Variants in SPEN observed in about 807,000 individuals in gnomAD.
SPEN encodes the protein spen family transcriptional repressor.
In SPEN, 18 loss-of-function variants were observed where a neutral mutation model predicts 269.9. The observed-to-expected ratio is 0.07, with a 90% CI of 0.05 to 0.10. The LOEUF is 0.10. Among genes scored for constraint, SPEN ranks in the 10% least tolerant of loss-of-function variants. The pLI is 1.00. For synonymous variants in SPEN, 1,726 were observed against 1,765.7 expected, an observed-to-expected ratio of 0.98 and a Z score of 0.56; for missense variants, 3,822 against 4,631.2, an observed-to-expected ratio of 0.83 and a Z score of 5.07.
At chr1:15,901,188 T>TAAA (rs986794679) in intron 3 of SPEN, among the ~76,000 whole-genome samples, 1 of 138,862 alleles carries the variant, frequency 7.2e-6, no homozygotes, top group Non-Finnish European at 1.6e-5. Context: ...CCTCGTCCCT[T>TAAA]AAAAAAAAAA....
At chr1:15,869,615 T>TTTAC (rs2070553201) in intron 1 of SPEN, among the ~76,000 whole-genome samples, 1 of 151,702 alleles carries the variant, frequency 6.6e-6, no homozygotes, top group Non-Finnish European at 1.5e-5. Flanking sequence ...TATTTATTTA[T>TTTAC]GAGACAGGGT....
intron 3 of SPEN, among the ~76,000 whole-genome samples, chr1:15,890,091 A>AT (rs1381428556): frequency 6.6e-6 from 1 of 152,192 alleles, no homozygotes; most frequent in African/African-American, 2.4e-5. Flanking sequence ...AGTAAGTGAA[A>AT]TAGCTTTAAA....
In SPEN at chr1:15,934,733, C is replaced by T. The variant is rs376487430; in HGVS notation, c.8493C>T (p.Ser2831=). The T allele has an allele frequency of 4.9e-5, 79 of 1,614,138 alleles. No homozygotes were observed. The highest frequency in any genetic ancestry group is 4.2e-4 in the Admixed American group (25 of 60,020). Reference sequence around the variant, plus strand: ...AGACCGAAGGCCCACAGCGGATCAGCGCCAAGATCAGCCAGATCCCCCCGG... The same window carrying T: ...AGACCGAAGGCCCACAGCGGATCAGTGCCAAGATCAGCCAGATCCCCCCGG... ...GQKTEGPQRI[S]AKISQIPPAS... Residue 2831 remains serine, a synonymous_variant, in exon 11 of 15, where the codon AGC becomes AGT. Coordinates refer to ENST00000375759, the MANE Select transcript of SPEN (RefSeq NM_015001.3). The surrounding 1 kb of genome is among the most constrained non-coding windows in gnomAD (Gnocchi z 9.2).
chr1:15,931,215 G>A lies in SPEN; in HGVS notation c.4975G>A (p.Gly1659Ser). Residue 1659 changes from glycine to serine, a missense_variant, in exon 11 of 15, where the codon GGT becomes AGT. Physicochemically the swap from Gly to Ser is moderately conservative, Grantham distance 56 (BLOSUM62 0). This residue lies in a region of SPEN where 533 missense variants were observed against 618.8 expected (regional missense o/e 0.86). Transcript: ENST00000375759. The surrounding 1 kb of genome is among the most constrained non-coding windows in gnomAD (Gnocchi z 4.8). ...SAPSALEKTTGDKTVEAPLVT... is the reference protein window; with the variant it reads ...SAPSALEKTTSDKTVEAPLVT... ...CCCATCAGCACTAGAGAAGACCACTGGTGACAAAACGGTAGAGGCGCCTTT... is the reference window on the plus strand; with the variant it reads ...CCCATCAGCACTAGAGAAGACCACTAGTGACAAAACGGTAGAGGCGCCTTT... 6.2e-7 allele frequency: 1 copy of A among 1,614,186 alleles called. No individual in the cohort carries two copies.
intron 3 of SPEN, among the ~76,000 whole-genome samples, chr1:15,908,800 T>G (rs1002711159): frequency 6.6e-6 from 1 of 152,240 alleles, no homozygotes; most frequent in Non-Finnish European, 1.5e-5. Context: ...AAATTGGGTA[T>G]GATGCAATTT....
intron 3 of SPEN, among the ~76,000 whole-genome samples, chr1:15,891,500 C>T (rs1301804217): frequency 2.6e-5 from 4 of 151,264 alleles, no homozygotes; most frequent in Admixed American, 6.6e-5. Context: ...TACAGGCACC[C>T]GCCACCACGC....
intron 4 of SPEN, 126 bp downstream of exon 4, chr1:15,909,607 T>C: frequency 9.9e-7 from 1 of 1,014,526 alleles, no homozygotes; most frequent in Admixed American, 2.5e-5. Context: ...AATATTAACG[T>C]TTTAAATGAG....
chr1:15,904,200 G>A (rs1042076623), intron 3 of SPEN, among the ~76,000 whole-genome samples: 1 of 152,022 alleles, frequency 6.6e-6, no homozygotes, highest in African/African-American at 2.4e-5. Context: ...ACTCGAGGCC[G>A]AGCGCGGTGG....
In SPEN at chr1:15,930,431, A is replaced by G. The variant is rs977139353; in HGVS notation, c.4191A>G (p.Ala1397=). 5 of 1,614,070 alleles carry G rather than the reference A, an allele frequency of 3.1e-6. No individual in the cohort carries two copies. In the African/African-American group the frequency reaches 4.0e-5, roughly 13 times the overall value. ...AATCCCACTCACCCAGAGCCTCTGC[A>G]TTATATGAAAGTTCTCGATTGTCTT... The part of the protein sequence containing the change: ...EHKSHSPRAS[A]LYESSRLSFL... Residue 1397 remains alanine, a synonymous_variant, in exon 11 of 15, where the codon GCA becomes GCG. Transcript: ENST00000375759. This position sits in a 1 kb window ranked among gnomAD's most constrained non-coding sequence, Gnocchi z 5.3.
rs200404246 is a variant in SPEN, at chr1:15,937,623, T to C, written c.10487T>C (p.Val3496Ala). ...SSPHLTSQRP[V>A]DMVQLLKKYP... ...CCACACCTGACTTCCCAGAGACCCG[T>C]GGATATGGTTCAACTTCTGAAGGTA... Residue 3496 changes from valine (V) to alanine (A), a missense_variant, in exon 12 of 15, where the codon GTG becomes GCG. By Grantham distance (64) the Val-to-Ala change is moderately conservative (BLOSUM62 0). This residue lies in a region of SPEN where 359 missense variants were observed against 377.3 expected (regional missense o/e 0.95). Transcript: ENST00000375759. The surrounding 1 kb of genome is among the most constrained non-coding windows in gnomAD (Gnocchi z 5.7). 1.9e-6 allele frequency: 3 copies of C among 1,613,504 alleles called. No individual in the cohort carries two copies. The East Asian group carries it at 6.7e-5, about 36-fold the overall frequency.
intron 9 of SPEN, 140 bp downstream of exon 9, chr1:15,921,123 C>T (rs571745040): frequency 4.9e-5 from 20 of 411,054 alleles, no homozygotes; most frequent in African/African-American, 3.7e-4. Context: ...GTCAGGAGTT[C>T]GAGACCAGCC....
chr1:15,855,330 T>A (rs2148702435), intron 1 of SPEN, among the ~76,000 whole-genome samples: 1 of 152,332 alleles, frequency 6.6e-6, no homozygotes, highest in East Asian at 1.9e-4. Context: ...ATGTTACACA[T>A]AACGTATGTA....
At chr1:15,897,905 A>T (rs1042595738) in intron 3 of SPEN, among the ~76,000 whole-genome samples, 5 of 152,156 alleles carry the variant, frequency 3.3e-5, no homozygotes, top group African/African-American at 1.2e-4. Flanking sequence ...GGCTTCATTG[A>T]TGATTTATAC....
In SPEN at chr1:15,933,718, G is replaced by C. The variant is rs372436193; in HGVS notation, c.7478G>C (p.Ser2493Thr). 5.6e-6 allele frequency: 9 copies of C among 1,613,944 alleles called. No individual in the cohort carries two copies. The Admixed American group carries it at 1.0e-4, about 18-fold the overall frequency. ...GCCTCTGGGGGGATCCCACACCAGA[G>C]CCCCCCTACTAAGGTGACAGAGTGG... is the stretch of plus-strand genomic sequence containing the variant. ...PVASGGIPHQ[S>T]PPTKVTEWIT... The change falls in exon 11 of 15, where the codon AGC becomes ACC. Residue 2493 changes from serine to threonine, a missense_variant. Transcript: ENST00000375759. The surrounding 1 kb of genome is among the most constrained non-coding windows in gnomAD (Gnocchi z 5.7).
chr1:15,937,904 C>G lies in SPEN; in HGVS notation c.10602C>G (p.Ala3534=). 1.2e-6 allele frequency: 2 copies of G among 1,614,202 alleles called. No individual in the cohort carries two copies. Among genetic ancestry groups the G allele is most frequent in the Non-Finnish European group, 1.7e-6 (2 of 1,180,040 alleles). Residue 3534 remains alanine, a synonymous_variant, in exon 13 of 15, where the codon GCC becomes GCG. Coordinates refer to ENST00000375759, the MANE Select transcript of SPEN (RefSeq NM_015001.3). This position sits in a 1 kb window ranked among gnomAD's most constrained non-coding sequence, Gnocchi z 5.7. The stretch of plus-strand genomic sequence containing the variant: ...TCGTCTCTGGCAACAACGTCCTGGC[C>G]CATCGGTCCCTGCCCCTTTCTGAAG... ...LHFVSGNNVL[A]HRSLPLSEGG... is the part of the protein sequence containing the mutation.
Position 15,873,067 on chromosome 1 carries a change from G to C in SPEN, c.335G>C (p.Gly112Ala), listed in dbSNP as rs760065807. Residue 112 changes from glycine (G) to alanine (A), a missense_variant, in exon 2 of 15, where the codon GGA (glycine) becomes GCA (alanine). Gly to Ala is a moderately conservative substitution (Grantham distance 60). Transcript: ENST00000375759. ...REVSGFRGGG[G>A]GPAYGPPPSL... ...GTTTCTGGGTTCAGAGGAGGTGGTG[G>C]AGGGCCTGCTTATGGTCCCCCACCG... 9.9e-5 allele frequency: 159 copies of C among 1,614,050 alleles called. No individual in the cohort carries two copies. Among genetic ancestry groups the C allele is most frequent in the Non-Finnish European group, 1.3e-4 (156 of 1,180,032 alleles).
At chr1:15,873,308 C>T (rs1336411690) in intron 2 of SPEN, 172 bp downstream of exon 2, 3 of 985,174 alleles carry the variant, frequency 3.0e-6, no homozygotes, top group Non-Finnish European at 3.6e-6. Flanking sequence ...CTTATGGAAT[C>T]GTAGAGGATA....
chr1:15,877,843 C>G (rs543519170), intron 3 of SPEN, among the ~76,000 whole-genome samples: 18 of 145,382 alleles, frequency 1.2e-4, no homozygotes, highest in African/African-American at 3.8e-4. Context: ...CTCCTGGGTT[C>G]AAGTGAGTCT....
Position 15,932,724 on chromosome 1 carries a change from G to A in SPEN, c.6484G>A (p.Ala2162Thr). The A allele has an allele frequency of 6.2e-7, 1 of 1,614,176 alleles. No individual in the cohort carries two copies. Among genetic ancestry groups the A allele is most frequent in the Non-Finnish European group, 8.5e-7 (1 of 1,180,020 alleles). ...DVSASGPSPEATQLAKQMELE... is the reference protein window; with the variant it reads ...DVSASGPSPETTQLAKQMELE... ...GTCTGCCTCTGGGCCGTCCCCAGAA[G>A]CCACCCAGTTAGCCAAGCAGATGGA... Residue 2162 changes from alanine to threonine, a missense_variant, in exon 11 of 15, where the codon GCC becomes ACC. Around this residue, in one of 16 missense-constraint regions of SPEN, gnomAD observed 727 missense variants for 737.9 expected, o/e 0.99. Transcript: ENST00000375759. The surrounding 1 kb of genome is among the most constrained non-coding windows in gnomAD (Gnocchi z 4.2).
Sources: allele counts gnomAD v4.1 joint callset (sites outside exome capture counted in the v4.1 genomes callset), GRCh38; gene constraint gnomAD v4.1.1; regional missense constraint gnomAD v4.1.1; non-coding constraint Gnocchi (gnomAD v3.1); transcripts MANE v1.5; gene names NCBI Gene and HGNC (gene_info 2026-07-23, HGNC 2026-07-21).